SLC44A5: variants seen among roughly 807,000 people sequenced by gnomAD.
The protein encoded by SLC44A5 is choline transporter-like protein 5.
A neutral mutation model predicts 101.8 loss-of-function variants in SLC44A5; 57 were observed. The observed-to-expected ratio is 0.56, with a 90% CI of 0.45 to 0.70. SLC44A5 has a LOEUF of 0.70. Ranked by LOEUF, SLC44A5 falls within the 30% of genes least tolerant of loss-of-function variation. The probability of loss-of-function intolerance (pLI) is 0.00; values close to 1 mark genes in which losing one functional copy is unlikely to be tolerated. For missense variants in SLC44A5, 737 were observed against 853.1 expected (o/e 0.86, Z 1.70); for synonymous variants, 281 against 290.9 (o/e 0.97, Z 0.35).
At chr1:75,528,627 C>T (rs1449013570) in intron 2 of SLC44A5, among the ~76,000 whole-genome samples, 2 of 152,170 alleles carry the variant, frequency 1.3e-5, no homozygotes, top group South Asian at 4.2e-4. Context: ...AGAATGCAGC[C>T]AGAGTCCTTA....
Position 75,486,885 on chromosome 1 carries a change from C to G in SLC44A5, c.13+54550G>C, listed in dbSNP as rs375294278. Among the ~76,000 whole-genome samples, 46 of 152,290 alleles carry G rather than the reference C, an allele frequency of 3.0e-4. No homozygotes were observed. In the East Asian group the frequency reaches 8.5e-3, roughly 28 times the overall value. ...AACATTCATAGAGAGGCCTTAATTA[C>G]TTAGCTCTGTTATGCTTCCCAAATA... On this transcript the variant is annotated intron_variant, in intron 2 of 23. Coordinates refer to ENST00000370859, the MANE Select transcript of SLC44A5 (RefSeq NM_001130058.2).
chr1:75,476,053 C>T (rs974714930), intron 2 of SLC44A5, among the ~76,000 whole-genome samples: 5 of 152,046 alleles, frequency 3.3e-5, no homozygotes, highest in East Asian at 1.9e-4. Context: ...AATGGTGGTG[C>T]GCACCTGTAA....
intron 6 of SLC44A5, among the ~76,000 whole-genome samples, chr1:75,271,097 T>A (rs1457606624): frequency 6.6e-6 from 1 of 152,014 alleles, no homozygotes; most frequent in Non-Finnish European, 1.5e-5. Context: ...CCTCCCTGGA[T>A]CAAAATTTAG....
At chr1:75,455,274 C>G (rs992601553) in intron 2 of SLC44A5, among the ~76,000 whole-genome samples, 22 of 152,124 alleles carry the variant, frequency 1.4e-4, no homozygotes, top group African/African-American at 5.3e-4. Flanking sequence ...AAAGGACTCT[C>G]TATTCAATAT....
At chr1:75,661,536 T>C in the SLC44A5 span, among the ~76,000 whole-genome samples, 1 of 150,998 alleles carries the variant, frequency 6.6e-6, no homozygotes, top group Non-Finnish European at 1.5e-5. Context: ...AAAGCTTCAG[T>C]ACAGCAAAGG....
intron 3 of SLC44A5, among the ~76,000 whole-genome samples, chr1:75,370,564 T>C (rs1053716740): frequency 6.6e-6 from 1 of 152,180 alleles, no homozygotes; most frequent in African/African-American, 2.4e-5. Context: ...TCTCAAAGGC[T>C]GTAGAGAGAA....
At chr1:75,587,170 G>T (rs1674055978) in intron 1 of SLC44A5, among the ~76,000 whole-genome samples, 1 of 152,030 alleles carries the variant, frequency 6.6e-6, no homozygotes. Context: ...AAAATGTTCG[G>T]CCTAAAATGT....
chr1:75,692,634 A>G, the SLC44A5 span, among the ~76,000 whole-genome samples: 1 of 152,076 alleles, frequency 6.6e-6, no homozygotes. Context: ...TGAGAGCAGG[A>G]GATAGTCCTC....
At chr1:75,374,820 C>T (rs1660466861) in intron 3 of SLC44A5, among the ~76,000 whole-genome samples, 1 of 152,192 alleles carries the variant, frequency 6.6e-6, no homozygotes, top group African/African-American at 2.4e-5. Flanking sequence ...ACACAACATA[C>T]ACCACAGTCA....
At chr1:75,597,677 G>A (rs1413895101) in intron 1 of SLC44A5, among the ~76,000 whole-genome samples, 1 of 152,118 alleles carries the variant, frequency 6.6e-6, no homozygotes, top group African/African-American at 2.4e-5. Context: ...CAGCAAACCT[G>A]ACAAAAACAA....
the SLC44A5 span, among the ~76,000 whole-genome samples, chr1:75,633,996 T>C: frequency 6.6e-6 from 1 of 152,132 alleles, no homozygotes; most frequent in East Asian, 1.9e-4. Flanking sequence ...TTTTTGTCTT[T>C]GGTTCTGTTT....
chr1:75,325,483 G>C (rs1470203977), intron 4 of SLC44A5, among the ~76,000 whole-genome samples: 2 of 151,966 alleles, frequency 1.3e-5, no homozygotes, highest in Non-Finnish European at 2.9e-5. Flanking sequence ...CTTATCCACA[G>C]TTTCGCTTTC....
intron 16 of SLC44A5, among the ~76,000 whole-genome samples, 173 bp downstream of exon 16, chr1:75,219,084 A>C (rs1647022695): frequency 6.6e-6 from 1 of 152,014 alleles, no homozygotes; most frequent in African/African-American, 2.4e-5. Context: ...CATTCCACCC[A>C]CTGTTTTCCA....
intron 3 of SLC44A5, among the ~76,000 whole-genome samples, chr1:75,365,648 C>A (rs1241072356): frequency 6.6e-6 from 1 of 152,102 alleles, no homozygotes; most frequent in East Asian, 1.9e-4. Flanking sequence ...AAATGCCCAT[C>A]AATGATAGAC....
chr1:75,665,936 C>CAT, the SLC44A5 span, among the ~76,000 whole-genome samples: 1 of 152,030 alleles, frequency 6.6e-6, no homozygotes, highest in East Asian at 1.9e-4. Flanking sequence ...TCATACCAGT[C>CAT]AGAATGGCTA....
chr1:75,518,848 G>A (rs1669971098), intron 2 of SLC44A5, among the ~76,000 whole-genome samples: 1 of 152,148 alleles, frequency 6.6e-6, no homozygotes, highest in African/African-American at 2.4e-5. Flanking sequence ...CTGGGGGCTG[G>A]GTGTGACAGG....
rs143997929 is a variant in SLC44A5, at chr1:75,564,988, A to T, written c.-69-23472T>A. On this transcript the variant is annotated intron_variant, in intron 1 of 23. Transcript: ENST00000370859. ...GATGTGCAGGTTTGTTACACAGATA[A>T]ACATGTGCCATGGTAGAATTTTAAT... 5.7e-3 allele frequency among the ~76,000 whole-genome samples: 869 copies of T among 152,286 alleles called. 15 individuals carry two copies. The highest frequency in any genetic ancestry group is 0.035 in the Admixed American group (535 of 15,294).
chr1:75,613,709 T>C (rs1675751222), upstream of SLC44A5, among the ~76,000 whole-genome samples: 1 of 152,248 alleles, frequency 6.6e-6, no homozygotes, highest in Admixed American at 6.5e-5. Flanking sequence ...GAAAGCTTGA[T>C]TATTAATCCT....
At chr1:75,552,633 T>G (rs1391924994) in intron 1 of SLC44A5, among the ~76,000 whole-genome samples, 2 of 151,766 alleles carry the variant, frequency 1.3e-5, no homozygotes, top group Admixed American at 1.3e-4. Context: ...CTGGTTTTTT[T>G]TTTTTTTTCA....
Sources: gnomAD v4.1 joint callset for allele counts (sites outside exome capture counted in the v4.1 genomes callset) on GRCh38, gnomAD v4.1.1 for gene constraint, MANE v1.5 for transcripts, NCBI Gene and HGNC (gene_info 2026-07-23, HGNC 2026-07-21) for gene names.